The following SYN2 variants were observed in gnomAD, a reference collection of about 807,000 sequenced individuals.
SYN2 encodes synapsin-2.
SYN2 carries 19 observed loss-of-function variants against 50.9 expected under a neutral mutation model. The ratio of observed to expected loss-of-function variants is 0.37; its 90% CI spans 0.26 to 0.55. SYN2 has a LOEUF of 0.55. Ranked by LOEUF, SYN2 falls within the 20% of genes least tolerant of loss-of-function variation. SYN2 has a pLI of 0.81. For missense variants in SYN2, 587 were observed against 576.4 expected, an observed-to-expected ratio of 1.02 and a Z score of -0.19; for synonymous variants, 255 against 224.9, an observed-to-expected ratio of 1.13 and a Z score of -1.20.
intron 1 of SYN2, among the ~76,000 whole-genome samples, chr3:12,119,249 T>G (rs1202581503): frequency 6.6e-6 from 1 of 152,158 alleles, no homozygotes; most frequent in Non-Finnish European, 1.5e-5. Flanking sequence ...ACAACTCTTC[T>G]GGCCACTATT....
intron 1 of SYN2, among the ~76,000 whole-genome samples, chr3:12,096,288 G>A (rs1017217966): frequency 1.1e-4 from 16 of 152,084 alleles, no homozygotes; most frequent in Non-Finnish European, 2.2e-4. Flanking sequence ...ATGTAAACTT[G>A]ATAGGGCATG....
chr3:12,048,967 G>A (rs1355741022), intron 1 of SYN2, among the ~76,000 whole-genome samples: 1 of 152,156 alleles, frequency 6.6e-6, no homozygotes, highest in Non-Finnish European at 1.5e-5. Flanking sequence ...CTATATGTCA[G>A]TCTTTTCAGT....
At chr3:12,183,505 G>T in intron 11 of SYN2, 133 bp downstream of exon 11, 1 of 1,585,740 alleles carries the variant, frequency 6.3e-7, no homozygotes, top group South Asian at 1.2e-5. Context: ...AGGAAAGCGG[G>T]GAGGGGAAAA....
At chr3:12,017,027 A>ATTT (rs1364233232) in intron 1 of SYN2, among the ~76,000 whole-genome samples, 1 of 152,184 alleles carries the variant, frequency 6.6e-6, no homozygotes, top group Non-Finnish European at 1.5e-5. Flanking sequence ...AGAAGTCAAA[A>ATTT]TGTTTCACAG....
intron 10 of SYN2, among the ~76,000 whole-genome samples, chr3:12,176,948 C>T (rs1399976212): frequency 2.0e-5 from 3 of 152,094 alleles, no homozygotes; most frequent in Non-Finnish European, 1.5e-5. Flanking sequence ...GGATGAGCAG[C>T]TTGTAAGGCA....
rs1234789403 is a variant in SYN2, at chr3:12,089,944, C to T, written c.378-50707C>T. ...TTCTGGACAGTCACTTGTAGTGCTT[C>T]ATTTTCTTATCTACAACAAGAAGGA... is the stretch of plus-strand genomic sequence containing the variant. On this transcript the variant is annotated intron_variant, in intron 1 of 12. Coordinates refer to ENST00000621198, the MANE Select transcript of SYN2 (RefSeq NM_133625.6). 3.3e-5 allele frequency among the ~76,000 whole-genome samples: 5 copies of T among 152,260 alleles called. No homozygotes were observed. The East Asian group carries it at 7.7e-4, about 24-fold the overall frequency.
rs533956322 is a variant in SYN2, at chr3:12,100,370, A to G, written c.378-40281A>G. 5.1e-4 allele frequency among the ~76,000 whole-genome samples: 77 copies of G among 152,320 alleles called. 1 individual carries two copies. The highest frequency in any genetic ancestry group is 1.6e-3 in the African/African-American group (68 of 41,570). Reference sequence around the variant, plus strand: ...CCAATTTATATTTGACAAGAGTGCCAAAATAATTCGATGAAGGAACAAGAG... The same window carrying G: ...CCAATTTATATTTGACAAGAGTGCCGAAATAATTCGATGAAGGAACAAGAG... On this transcript the variant is annotated intron_variant, in intron 1 of 12. Coordinates refer to ENST00000621198, the MANE Select transcript of SYN2 (RefSeq NM_133625.6).
intron 7 of SYN2, among the ~76,000 whole-genome samples, chr3:12,164,864 A>G (rs1450876929): frequency 6.6e-6 from 1 of 152,244 alleles, no homozygotes; most frequent in African/African-American, 2.4e-5. Flanking sequence ...ATAAATCAAC[A>G]GGGTTATATA....
At chr3:12,005,347 C>T (rs777718968) in intron 1 of SYN2, among the ~76,000 whole-genome samples, 7 of 152,014 alleles carry the variant, frequency 4.6e-5, no homozygotes, top group Non-Finnish European at 7.4e-5. Flanking sequence ...CTTCATGAAG[C>T]ACGGAGTGAA....
chr3:12,033,362 C>G (rs970480762), intron 1 of SYN2, among the ~76,000 whole-genome samples: 2 of 152,182 alleles, frequency 1.3e-5, no homozygotes, highest in Non-Finnish European at 2.9e-5. Context: ...TGTTCCTATT[C>G]GGCTGGTTAT....
rs1027189305 is a variant in SYN2, at chr3:12,149,514, A to G, written c.685-1723A>G. Reference sequence around the variant, plus strand: ...GGTGAATGCACCCAGCAAGGAGAAGAGACCTGAGTGCTCTTGCAGTGCAGC... The same window carrying G: ...GGTGAATGCACCCAGCAAGGAGAAGGGACCTGAGTGCTCTTGCAGTGCAGC... On this transcript the variant is annotated intron_variant, in intron 4 of 12. Coordinates refer to ENST00000621198, the MANE Select transcript of SYN2 (RefSeq NM_133625.6). Among the ~76,000 whole-genome samples the G allele has an allele frequency of 2.6e-5, 4 of 152,244 alleles. No homozygotes were observed. In the South Asian group the frequency reaches 8.3e-4, roughly 31 times the overall value.
chr3:12,140,280 G>C (rs748944917), intron 1 of SYN2, among the ~76,000 whole-genome samples: 3 of 152,152 alleles, frequency 2.0e-5, no homozygotes, highest in Non-Finnish European at 4.4e-5. Flanking sequence ...GAAAACCATA[G>C]TAAAACGAAG....
intron 1 of SYN2, among the ~76,000 whole-genome samples, chr3:12,092,919 T>C (rs1695859528): frequency 6.6e-6 from 1 of 152,190 alleles, no homozygotes; most frequent in Admixed American, 6.5e-5. Context: ...ATCTATAACA[T>C]TTTCCCTTTT....
intron 1 of SYN2, among the ~76,000 whole-genome samples, chr3:12,044,181 T>TCACACACACACACACA (rs1553610019): frequency 9.4e-5 from 5 of 53,360 alleles, no homozygotes; most frequent in Non-Finnish European, 2.3e-4. Context: ...TCTCTCTCTC[T>TCACACACACACACACA]CACACACACA....
chr3:12,069,539 G>T (rs757581621), intron 1 of SYN2, among the ~76,000 whole-genome samples: 1 of 152,004 alleles, frequency 6.6e-6, no homozygotes, highest in Non-Finnish European at 1.5e-5. Context: ...GAGCCACTGC[G>T]CCCGGCCGTG....
intron 1 of SYN2, among the ~76,000 whole-genome samples, chr3:12,060,143 A>G (rs973092839): frequency 2.0e-5 from 3 of 152,174 alleles, no homozygotes; most frequent in Non-Finnish European, 4.4e-5. Flanking sequence ...AATTTTGACA[A>G]ATTGCTGAAG....
At chr3:12,021,224 A>G (rs1052021034) in intron 1 of SYN2, among the ~76,000 whole-genome samples, 6 of 152,208 alleles carry the variant, frequency 3.9e-5, no homozygotes, top group Non-Finnish European at 7.3e-5. Flanking sequence ...CTCAATTTTC[A>G]GGAGACCAAC....
chr3:12,107,126 A>G (rs1345431332), intron 1 of SYN2, among the ~76,000 whole-genome samples: 2 of 152,142 alleles, frequency 1.3e-5, no homozygotes, highest in Admixed American at 6.5e-5. Flanking sequence ...CAAGCATACT[A>G]TTTCATATAA....
intron 1 of SYN2, among the ~76,000 whole-genome samples, chr3:12,008,296 A>T (rs569685044): frequency 5.6e-4 from 85 of 152,330 alleles, no homozygotes; most frequent in African/African-American, 2.0e-3. Flanking sequence ...GACTGCAGAT[A>T]TAAGGCAACA....
Sources: gnomAD v4.1 joint callset for allele counts (sites outside exome capture counted in the v4.1 genomes callset) on GRCh38, gnomAD v4.1.1 for gene constraint, MANE v1.5 for transcripts, NCBI Gene and HGNC (gene_info 2026-07-23, HGNC 2026-07-21) for gene names.